PHF14: variants seen among roughly 807,000 people sequenced by gnomAD.
The protein encoded by PHF14 is PHD finger protein 14.
In PHF14, 55 loss-of-function variants were observed where a neutral mutation model predicts 117.9. The observed-to-expected ratio is 0.47, with a 90% CI of 0.38 to 0.58. PHF14 has a LOEUF of 0.58. Among genes scored for constraint, PHF14 ranks in the 20% least tolerant of loss-of-function variants. The pLI, the probability that PHF14 is intolerant of heterozygous loss-of-function variation, is 0.00. For missense variants in PHF14, 978 were observed against 1,122.2 expected, an observed-to-expected ratio of 0.87 and a Z score of 1.84; for synonymous variants, 409 against 368.6, an observed-to-expected ratio of 1.11 and a Z score of -1.26.
chr7:11,060,274 A>G (rs1208051604), intron 14 of PHF14, among the ~76,000 whole-genome samples: 1 of 152,188 alleles, frequency 6.6e-6, no homozygotes, highest in Non-Finnish European at 1.5e-5. Context: ...AAGTTAATTG[A>G]GTCTTTATGT....
intron 13 of PHF14, among the ~76,000 whole-genome samples, chr7:11,047,514 G>A (rs1337519219): frequency 1.3e-5 from 2 of 151,654 alleles, no homozygotes. Flanking sequence ...ATTGAGAAAA[G>A]GCCAGACGCA....
At chr7:11,123,962 G>C (rs1013503679) in intron 17 of PHF14, among the ~76,000 whole-genome samples, 1 of 147,512 alleles carries the variant, frequency 6.8e-6, no homozygotes, top group Non-Finnish European at 1.5e-5. Flanking sequence ...TAGGAATTTT[G>C]TTTAATATAG....
chr7:10,992,556 G>A (rs1172008252), intron 4 of PHF14, among the ~76,000 whole-genome samples: 10 of 151,880 alleles, frequency 6.6e-5, no homozygotes, highest in Non-Finnish European at 1.5e-5. Context: ...CCAGTTACTC[G>A]AGAGGCTGAG....
At chr7:11,046,691 T>C (rs1183997176) in intron 13 of PHF14, among the ~76,000 whole-genome samples, 1 of 152,138 alleles carries the variant, frequency 6.6e-6, no homozygotes, top group African/African-American at 2.4e-5. Context: ...CAAGTTGAGT[T>C]AAATGTTGTT....
intron 17 of PHF14, among the ~76,000 whole-genome samples, chr7:11,140,693 G>A (rs1393940528): frequency 1.3e-5 from 2 of 152,106 alleles, no homozygotes; most frequent in African/African-American, 4.8e-5. Flanking sequence ...AAGCAAGGAA[G>A]TTGAAATAAT....
At chr7:11,072,210 C>T (rs1785635736) in intron 16 of PHF14, among the ~76,000 whole-genome samples, 2 of 152,046 alleles carry the variant, frequency 1.3e-5, no homozygotes, top group Admixed American at 6.5e-5. Flanking sequence ...GTAAAGGCAT[C>T]TTATGTGGCA....
At chr7:11,074,523 C>T (rs1785753922) in intron 16 of PHF14, among the ~76,000 whole-genome samples, 1 of 152,104 alleles carries the variant, frequency 6.6e-6, no homozygotes, top group Non-Finnish European at 1.5e-5. Context: ...TTAGTTCCAA[C>T]TTTAAGTCAT....
At chr7:11,147,348 T>C (rs1351734784) in intron 17 of PHF14, among the ~76,000 whole-genome samples, 1 of 152,174 alleles carries the variant, frequency 6.6e-6, no homozygotes, top group Non-Finnish European at 1.5e-5. Flanking sequence ...GTCTTTCCAT[T>C]ATGATTCGAA....
intron 10 of PHF14, among the ~76,000 whole-genome samples, chr7:11,037,387 A>T (rs112703224): frequency 3.3e-5 from 5 of 152,262 alleles, no homozygotes; most frequent in African/African-American, 1.2e-4. Flanking sequence ...AATCCTGAAG[A>T]AGTTAAATAA....
At chr7:10,998,469 C>G (rs1055670882) in intron 4 of PHF14, among the ~76,000 whole-genome samples, 3 of 151,958 alleles carry the variant, frequency 2.0e-5, no homozygotes, top group African/African-American at 4.8e-5. Flanking sequence ...CACACATACA[C>G]AGCAATAAGA....
chr7:11,070,674 A>T (rs546654429), intron 16 of PHF14, among the ~76,000 whole-genome samples: 44 of 152,270 alleles, frequency 2.9e-4, no homozygotes, highest in African/African-American at 1.0e-3. Flanking sequence ...TCATGCTGTG[A>T]TCCATTTTGC....
At chr7:11,109,027 A>G (rs1240216294) in intron 16 of PHF14, 1 of 151,796 alleles carries the variant, frequency 6.6e-6, no homozygotes, top group African/African-American at 2.4e-5. Flanking sequence ...CGCACTACCC[A>G]AAAACCTAAA....
At chr7:11,155,695 G>C (rs1788822083) in intron 17 of PHF14, among the ~76,000 whole-genome samples, 1 of 151,834 alleles carries the variant, frequency 6.6e-6, no homozygotes, top group South Asian at 2.1e-4. Context: ...AGTTACTTGA[G>C]TGATCAATTG....
At chr7:11,079,309 G>GGTTA (rs1224694764) in intron 16 of PHF14, among the ~76,000 whole-genome samples, 1 of 152,020 alleles carries the variant, frequency 6.6e-6, no homozygotes, top group Non-Finnish European at 1.5e-5. Flanking sequence ...TAAGCTGAGC[G>GGTTA]GTTATTCTAA....
At chr7:11,036,061 C>T (rs1583396234) in intron 8 of PHF14, among the ~76,000 whole-genome samples, 1 of 152,254 alleles carries the variant, frequency 6.6e-6, no homozygotes, top group East Asian at 1.9e-4. Flanking sequence ...ATATTTATTA[C>T]ATCTTGTTTC....
At chr7:11,026,520 G>A (rs554813162) in intron 6 of PHF14, among the ~76,000 whole-genome samples, 1 of 152,288 alleles carries the variant, frequency 6.6e-6, no homozygotes, top group Admixed American at 6.5e-5. Context: ...TTATTGGGCA[G>A]CACTTAGAAC....
chr7:11,105,750 G>T, intron 16 of PHF14: 1 of 984,804 alleles, frequency 1.0e-6, no homozygotes, highest in Middle Eastern at 5.2e-4. Context: ...AAGGCTTTCT[G>T]TAGGCCTGCC....
At chr7:11,117,641 A>G (rs1263232556) in intron 17 of PHF14, among the ~76,000 whole-genome samples, 1 of 78,144 alleles carries the variant, frequency 1.3e-5, no homozygotes, top group Non-Finnish European at 2.7e-5. Context: ...ATATGTATAA[A>G]TATATATTTT....
intron 6 of PHF14, among the ~76,000 whole-genome samples, chr7:11,023,965 G>A (rs1268944388): frequency 2.6e-5 from 4 of 152,196 alleles, no homozygotes; most frequent in South Asian, 2.1e-4. Context: ...AAGGCATGTC[G>A]AAAGCCTAGG....
Sources: allele counts gnomAD v4.1 joint callset (sites outside exome capture counted in the v4.1 genomes callset), GRCh38; gene constraint gnomAD v4.1.1; transcripts MANE v1.5; gene names NCBI Gene and HGNC (gene_info 2026-07-23, HGNC 2026-07-21).